Variants in MARCHF1 observed in about 807,000 individuals in gnomAD.
The protein encoded by MARCHF1 is membrane associated ring-CH-type finger 1, also known as E3 ubiquitin-protein ligase MARCHF1.
In MARCHF1, 40 loss-of-function variants were observed where a neutral mutation model predicts 54.2. The ratio of observed to expected loss-of-function variants is 0.74; its 90% confidence interval spans 0.57 to 0.96. MARCHF1 has a LOEUF of 0.96. Ranked by LOEUF, MARCHF1 falls within the 40% of genes least tolerant of loss-of-function variation. The pLI, the probability that MARCHF1 is intolerant of heterozygous loss-of-function variation, is 0.00. For synonymous variants in MARCHF1, 236 were observed against 236.3 expected (o/e 1.00, Z 0.01); for missense variants, 586 against 656.5 (o/e 0.89, Z 1.17).
At chr4:164,074,727 C>T (rs918969702) in intron 2 of MARCHF1, among the ~76,000 whole-genome samples, 3 of 151,900 alleles carry the variant, frequency 2.0e-5, no homozygotes, top group Non-Finnish European at 4.4e-5. Context: ...ATGTATAGTA[C>T]AAATGGGACC....
intron 5 of MARCHF1, among the ~76,000 whole-genome samples, chr4:163,644,762 G>T (rs1310125557): frequency 6.6e-6 from 1 of 152,178 alleles, no homozygotes; most frequent in Non-Finnish European, 1.5e-5. Flanking sequence ...TCCATGAACG[G>T]ACCTGAAAGG....
intron 1 of MARCHF1, among the ~76,000 whole-genome samples, chr4:164,171,721 T>G (rs112139456): frequency 4.6e-5 from 7 of 152,220 alleles, no homozygotes; most frequent in South Asian, 2.1e-4. Context: ...CTCAGTATAC[T>G]GACTTTTTCT....
chr4:163,738,057 C>T (rs189581106), intron 4 of MARCHF1, among the ~76,000 whole-genome samples: 1 of 152,264 alleles, frequency 6.6e-6, no homozygotes, highest in East Asian at 1.9e-4. Context: ...TTGAAGAGGA[C>T]ATGGTAGGGT....
intron 4 of MARCHF1, among the ~76,000 whole-genome samples, chr4:163,729,055 T>C (rs908777137): frequency 1.4e-5 from 2 of 138,706 alleles, no homozygotes; most frequent in Non-Finnish European, 3.0e-5. Flanking sequence ...TTTTAATCTG[T>C]TGTTGTGGAT....
intron 4 of MARCHF1, among the ~76,000 whole-genome samples, chr4:163,736,251 G>T (rs1746030617): frequency 6.6e-6 from 1 of 151,928 alleles, no homozygotes; most frequent in Non-Finnish European, 1.5e-5. Context: ...AAGTAAAATA[G>T]GGGTTACTTG....
chr4:163,685,826 A>G (rs1187251595), intron 5 of MARCHF1, among the ~76,000 whole-genome samples: 2 of 152,132 alleles, frequency 1.3e-5, no homozygotes, highest in African/African-American at 4.8e-5. Flanking sequence ...TGTGATGCCA[A>G]TTTACACTTT....
intron 5 of MARCHF1, among the ~76,000 whole-genome samples, chr4:163,624,986 C>T (rs1741820019): frequency 6.6e-6 from 1 of 152,164 alleles, no homozygotes; most frequent in South Asian, 2.1e-4. Context: ...CGTTATCTAA[C>T]AAATTAAATA....
chr4:163,687,340 G>A (rs1255926583), intron 5 of MARCHF1, among the ~76,000 whole-genome samples: 2 of 151,576 alleles, frequency 1.3e-5, no homozygotes, highest in Admixed American at 6.6e-5. Flanking sequence ...GGATTCTCCT[G>A]CCTCAGCCTC....
intron 9 of MARCHF1, among the ~76,000 whole-genome samples, chr4:163,543,088 T>C (rs910606225): frequency 1.7e-4 from 26 of 152,152 alleles, no homozygotes; most frequent in African/African-American, 6.0e-4. Context: ...GGGGGCAGCA[T>C]AGTCCCACTG....
intron 8 of MARCHF1, among the ~76,000 whole-genome samples, chr4:163,547,188 A>G (rs1364320494): frequency 1.3e-5 from 2 of 152,190 alleles, no homozygotes; most frequent in African/African-American, 2.4e-5. Context: ...ACGTGGTTAA[A>G]ATCATGTACT....
intron 3 of MARCHF1, among the ~76,000 whole-genome samples, chr4:163,959,081 G>C (rs891434698): frequency 3.3e-5 from 5 of 151,868 alleles, no homozygotes; most frequent in African/African-American, 1.2e-4. Context: ...CTGAGAATCT[G>C]TTCCCCAGGT....
At chr4:163,853,247 G>A (rs1411191458) in intron 4 of MARCHF1, among the ~76,000 whole-genome samples, 1 of 152,082 alleles carries the variant, frequency 6.6e-6, no homozygotes, top group African/African-American at 2.4e-5. Flanking sequence ...ATGTTCAACT[G>A]CTAATAAATC....
rs1270886119 is a variant in MARCHF1, at chr4:164,384,011, C to G, written c.-464G>C. Reference sequence around the variant, plus strand: ...GGACGAGCAGCCGGGTGGCAGGCAGCCCGGCTCTGGCTCGGCTCCCCAGTC... The same window carrying G: ...GGACGAGCAGCCGGGTGGCAGGCAGGCCGGCTCTGGCTCGGCTCCCCAGTC... On this transcript the variant is annotated 5_prime_UTR_variant, in exon 1 of 10. Coordinates refer to ENST00000514618, the MANE Select transcript of MARCHF1 (RefSeq NM_001394959.1). 1 of 152,276 alleles carries G rather than the reference C, an allele frequency of 6.6e-6. No homozygotes were observed. The highest frequency in any genetic ancestry group is 1.5e-5 in the Non-Finnish European group (1 of 68,144). The allele number at this position is 152,276 out of a possible 1,614,324, so 9.4% of individuals were successfully genotyped here. A position where few individuals can be genotyped will look rare whatever the true frequency, so the allele number is the denominator to read the frequency against.
chr4:164,307,547 G>A (rs1734728891), intron 1 of MARCHF1, among the ~76,000 whole-genome samples: 2 of 152,138 alleles, frequency 1.3e-5, no homozygotes. Context: ...TCACACCCCA[G>A]CCCCCTGGGC....
At chr4:164,023,884 A>C (rs1436276145) in intron 2 of MARCHF1, among the ~76,000 whole-genome samples, 1 of 152,234 alleles carries the variant, frequency 6.6e-6, no homozygotes, top group East Asian at 1.9e-4. Flanking sequence ...AATCATTTTA[A>C]GAAAGAACCA....
At chr4:163,863,299 G>A (rs936146574) in intron 3 of MARCHF1, among the ~76,000 whole-genome samples, 1 of 152,092 alleles carries the variant, frequency 6.6e-6, no homozygotes, top group South Asian at 2.1e-4. Flanking sequence ...AGTACCTTTA[G>A]AAAGGAGTGC....
At chr4:164,023,609 G>A (rs1479902630) in intron 2 of MARCHF1, among the ~76,000 whole-genome samples, 1 of 152,168 alleles carries the variant, frequency 6.6e-6, no homozygotes, top group African/African-American at 2.4e-5. Context: ...TTACAATACA[G>A]TTAAAAAGAA....
At chr4:164,143,278 T>A (rs549705124) in intron 1 of MARCHF1, among the ~76,000 whole-genome samples, 5 of 149,618 alleles carry the variant, frequency 3.3e-5, no homozygotes, top group African/African-American at 1.2e-4. Flanking sequence ...ACTTCCCCAA[T>A]CTAGCAAGGC....
At chr4:164,058,493 G>A (rs999893448) in intron 2 of MARCHF1, among the ~76,000 whole-genome samples, 4 of 152,160 alleles carry the variant, frequency 2.6e-5, no homozygotes, top group Non-Finnish European at 4.4e-5. Flanking sequence ...GACCTCAGTT[G>A]CATGGCATTC....
Sources: allele counts gnomAD v4.1 joint callset (sites outside exome capture counted in the v4.1 genomes callset), GRCh38; gene constraint gnomAD v4.1.1; transcripts MANE v1.5; gene names NCBI Gene and HGNC (gene_info 2026-07-23, HGNC 2026-07-21).